Variants in DOCK1 observed in about 807,000 individuals in gnomAD.
DOCK1 encodes dedicator of cytokinesis protein 1.
Under a neutral mutation model 262.7 loss-of-function variants are expected in DOCK1, and 138 were observed. The ratio of observed to expected loss-of-function variants is 0.53; its 90% CI spans 0.46 to 0.61. The LOEUF (loss-of-function observed/expected upper bound fraction) is 0.61. DOCK1 is among the 20% of genes least tolerant of loss of function. The pLI is 0.00. For missense variants in DOCK1, 1,908 were observed against 2,370.7 expected (o/e 0.80, Z 4.05); for synonymous variants, 866 against 867.4 (o/e 1.00, Z 0.03).
intron 37 of DOCK1, among the ~76,000 whole-genome samples, chr10:127,382,599 A>C (rs991705561): frequency 6.6e-6 from 1 of 152,216 alleles, no homozygotes; most frequent in Admixed American, 6.5e-5. Context: ...CAGTTGGTAC[A>C]TCTGATACCA....
chr10:127,393,550 C>T (rs548269176), intron 38 of DOCK1, among the ~76,000 whole-genome samples: 3 of 152,202 alleles, frequency 2.0e-5, no homozygotes, highest in East Asian at 1.9e-4. Context: ...AGGCCCCCTG[C>T]GATGGCATCT....
chr10:127,202,776 T>A (rs2057531734), intron 27 of DOCK1, among the ~76,000 whole-genome samples: 1 of 152,218 alleles, frequency 6.6e-6, no homozygotes, highest in South Asian at 2.1e-4. Context: ...ACTGTTAAAC[T>A]GTCTCCACAG....
chr10:127,397,306 A>T (rs1414659243), intron 38 of DOCK1, among the ~76,000 whole-genome samples: 33 of 67,888 alleles, frequency 4.9e-4, no homozygotes, highest in Middle Eastern at 0.015. Context: ...ACGGGCGGCA[A>T]CTCCTATGTG....
chr10:126,994,139 G>A (rs1434576004), intron 6 of DOCK1, among the ~76,000 whole-genome samples: 3 of 152,052 alleles, frequency 2.0e-5, no homozygotes, highest in Admixed American at 6.6e-5. Context: ...TTAGACCTGC[G>A]TGTTTTGTTA....
chr10:127,421,249 G>C (rs964607056), intron 46 of DOCK1, among the ~76,000 whole-genome samples: 1 of 152,056 alleles, frequency 6.6e-6, no homozygotes, highest in African/African-American at 2.4e-5. Flanking sequence ...TCCCAGCAGG[G>C]CCTCTTCTTA....
chr10:127,008,990 A>C (rs2041232656), intron 11 of DOCK1, among the ~76,000 whole-genome samples, 186 bp downstream of exon 11: 1 of 152,182 alleles, frequency 6.6e-6, no homozygotes, highest in Non-Finnish European at 1.5e-5. Flanking sequence ...CCTGGGTCAA[A>C]GTTTGTTTAT....
intron 1 of DOCK1, among the ~76,000 whole-genome samples, chr10:126,929,085 T>C (rs1455725397): frequency 1.3e-5 from 2 of 152,170 alleles, no homozygotes; most frequent in African/African-American, 4.8e-5. Flanking sequence ...CAGGTACAGG[T>C]GGAATTCCAT....
intron 3 of DOCK1, among the ~76,000 whole-genome samples, 181 bp from the exon 4 acceptor site, chr10:126,981,737 A>G (rs547562016): frequency 2.0e-5 from 3 of 152,334 alleles, no homozygotes; most frequent in African/African-American, 7.2e-5. Context: ...GCAGACTGCA[A>G]TACAAGCCAA....
At chr10:127,209,598 C>T (rs984461695) in intron 27 of DOCK1, among the ~76,000 whole-genome samples, 8 of 152,162 alleles carry the variant, frequency 5.3e-5, no homozygotes, top group Non-Finnish European at 8.8e-5. Context: ...TAAAGGGCAT[C>T]ATCAAATCCA....
rs755223872 is a variant in DOCK1 at position 127,176,356 on chromosome 10, ACGT to A, written c.2847+48593_2847+48595del. 19 of 1,613,270 alleles carry A rather than the reference ACGT, an allele frequency of 1.2e-5. No individual in the cohort carries two copies. The South Asian group carries it at 1.8e-4, about 15-fold the overall frequency. ...GCGGCGGGTTCCACTTCACTCTCCGACGTTGTGAGTATGCATTTGCCGGTGTCC... is the reference window on the plus strand; with the variant it reads ...GCGGCGGGTTCCACTTCACTCTCCGATGTGAGTATGCATTTGCCGGTGTCC... On this transcript the variant is annotated intron_variant, in intron 27 of 51. Transcript: ENST00000623213. The surrounding 1 kb of genome is among the most constrained non-coding windows in gnomAD (Gnocchi z 4.4).
intron 32 of DOCK1, among the ~76,000 whole-genome samples, chr10:127,361,318 G>A (rs760116694): frequency 6.6e-6 from 1 of 151,964 alleles, no homozygotes; most frequent in Non-Finnish European, 1.5e-5. Flanking sequence ...GTCTCACCGT[G>A]TTAGCCAGGA....
chr10:127,101,768 T>G (rs2048266064), intron 23 of DOCK1, among the ~76,000 whole-genome samples: 1 of 152,210 alleles, frequency 6.6e-6, no homozygotes, highest in South Asian at 2.1e-4. Context: ...TGAAATGGTA[T>G]TTATGAACTT....
At chr10:126,932,268 G>A (rs1032073405) in intron 1 of DOCK1, among the ~76,000 whole-genome samples, 5 of 152,344 alleles carry the variant, frequency 3.3e-5, no homozygotes, top group African/African-American at 1.2e-4. Context: ...CTGGGGCGGG[G>A]TGTGTTGGCA....
At chr10:126,975,374 G>C (rs976823700) in intron 2 of DOCK1, among the ~76,000 whole-genome samples, 4 of 152,112 alleles carry the variant, frequency 2.6e-5, no homozygotes, top group Non-Finnish European at 5.9e-5. Context: ...GGGGTTGCTG[G>C]GTCTTGGGTG....
intron 25 of DOCK1, among the ~76,000 whole-genome samples, chr10:127,110,700 G>A (rs986618779): frequency 1.3e-5 from 2 of 152,160 alleles, no homozygotes; most frequent in Non-Finnish European, 2.9e-5. Flanking sequence ...AAAAGAATTC[G>A]AGTTTTCTTT....
intron 2 of DOCK1, among the ~76,000 whole-genome samples, chr10:126,974,737 T>C (rs919858990): frequency 6.6e-6 from 1 of 152,128 alleles, no homozygotes; most frequent in Non-Finnish European, 1.5e-5. Context: ...CTACTTGTCT[T>C]AGGGCACTTC....
At chr10:127,146,024 G>A (rs1477566667) in intron 27 of DOCK1, 2 of 518,204 alleles carry the variant, frequency 3.9e-6, no homozygotes, top group South Asian at 1.4e-5. Flanking sequence ...TATTCCCCAT[G>A]GAATTTCATA....
In DOCK1 at chr10:127,085,707, G is replaced by A. The variant is rs1174438497; in HGVS notation, c.2446-20524G>A. On this transcript the variant is annotated intron_variant, in intron 23 of 51. Transcript: ENST00000623213. ...CAGGAGGCGGAGGTTGCAGTGAGCC[G>A]AGATTGCGCCACTGCACTCCAGCCT... Among the ~76,000 whole-genome samples, 4 of 151,976 alleles carry A rather than the reference G, an allele frequency of 2.6e-5. No homozygotes were observed. The South Asian group carries it at 6.2e-4, about 24-fold the overall frequency.
chr10:126,920,049 C>T (rs1265972129), intron 1 of DOCK1, among the ~76,000 whole-genome samples: 1 of 152,102 alleles, frequency 6.6e-6, no homozygotes, highest in Admixed American at 6.6e-5. Context: ...CCTAAAACTC[C>T]CTCCACCCCG....
Sources: allele counts gnomAD v4.1 joint callset (sites outside exome capture counted in the v4.1 genomes callset), GRCh38; gene constraint gnomAD v4.1.1; non-coding constraint Gnocchi (gnomAD v3.1); transcripts MANE v1.5; gene names NCBI Gene and HGNC (gene_info 2026-07-23, HGNC 2026-07-21).